Variants in USP53 observed in about 807,000 individuals in gnomAD.
USP53 encodes the protein ubiquitin carboxyl-terminal hydrolase 53.
USP53 carries 71 observed loss-of-function variants against 94.9 expected under a neutral mutation model. The observed-to-expected ratio is 0.75, with a 90% CI of 0.62 to 0.91. USP53 has a LOEUF of 0.91. Ranked by LOEUF, USP53 falls within the 40% of genes least tolerant of loss-of-function variation. The pLI is 0.00. For synonymous variants in USP53, 375 were observed against 422.7 expected (o/e 0.89, Z 1.39); for missense variants, 1,173 against 1,281.0 (o/e 0.92, Z 1.29).
chr4:119,279,956 G>A (rs1317133855), intron 17 of USP53, among the ~76,000 whole-genome samples: 29 of 152,164 alleles, frequency 1.9e-4, no homozygotes, highest in Middle Eastern at 3.2e-3. Flanking sequence ...GCCCTGCTTT[G>A]GCTCGCACAC....
At chr4:119,231,025 G>T (rs949978639) in intron 3 of USP53, among the ~76,000 whole-genome samples, 1 of 152,150 alleles carries the variant, frequency 6.6e-6, no homozygotes, top group African/African-American at 2.4e-5. Context: ...CAAGTGGGTT[G>T]TATTTCACTG....
Position 119,227,560 on chromosome 4 carries a change from G to C in USP53, c.-664-7730G>C, listed in dbSNP as rs529108714. ...CAGGAGAAGTGGCGTAAACCCGGGA[G>C]GCGGAGCTTGCAGTGAGCCGAGATC... is the stretch of plus-strand genomic sequence containing the variant. On this transcript the variant is annotated intron_variant, in intron 3 of 18. Transcript: ENST00000692078. Among the ~76,000 whole-genome samples the C allele has an allele frequency of 3.0e-3, 459 of 152,308 alleles. 2 individuals are homozygous for C. The highest frequency in any genetic ancestry group is 0.01 in the African/African-American group (436 of 41,566).
At chr4:119,286,967 T>G (rs1754180681) in intron 17 of USP53, among the ~76,000 whole-genome samples, 1 of 151,960 alleles carries the variant, frequency 6.6e-6, no homozygotes, top group Admixed American at 6.6e-5. Context: ...TGGGATAAAT[T>G]TTACTGCTTT....
intron 17 of USP53, among the ~76,000 whole-genome samples, chr4:119,282,845 A>T (rs1753656264): frequency 6.6e-6 from 1 of 152,028 alleles, no homozygotes; most frequent in Non-Finnish European, 1.5e-5. Context: ...AAATGAGGGC[A>T]CACTTACATT....
intron 6 of USP53, among the ~76,000 whole-genome samples, chr4:119,248,462 G>A (rs1364340276): frequency 2.7e-5 from 4 of 149,744 alleles, no homozygotes; most frequent in African/African-American, 9.8e-5. Flanking sequence ...TACAGGTTGG[G>A]TATCTCTTGT....
intron 3 of USP53, chr4:119,219,060 T>G (rs976730702): frequency 6.6e-6 from 1 of 152,236 alleles, no homozygotes; most frequent in Non-Finnish European, 1.5e-5. Context: ...GTAGTATTTC[T>G]GTGGTATTTC....
In USP53 at chr4:119,291,252, T is replaced by C; in HGVS notation, c.2339T>C (p.Leu780Ser). 6.3e-7 allele frequency: 1 copy of C among 1,579,676 alleles called. No individual in the cohort carries two copies. Among genetic ancestry groups the C allele is most frequent in the Non-Finnish European group, 8.6e-7 (1 of 1,164,234 alleles). The change falls in exon 18 of 19, where the codon TTG becomes TCG. Residue 780 changes from leucine (L) to serine (S), a missense_variant. Physicochemically the swap from Leu to Ser is moderately radical, Grantham distance 145. Transcript: ENST00000692078. ...TCACATTTACAAATAAAAAATCATTTGATAAAAAGGTAACCATATTTTTTT... is the reference window on the plus strand; with the variant it reads ...TCACATTTACAAATAAAAAATCATTCGATAAAAAGGTAACCATATTTTTTT... ...PESHLQIKNHLIKRSHVHEDN... is the reference protein window; with the variant it reads ...PESHLQIKNHSIKRSHVHEDN...
At chr4:119,243,584 A>G (rs1397091748) in intron 5 of USP53, among the ~76,000 whole-genome samples, 2 of 152,212 alleles carry the variant, frequency 1.3e-5, no homozygotes, top group African/African-American at 4.8e-5. Flanking sequence ...TTGTTAAAGT[A>G]GCCTTTACAG....
chr4:119,253,864 C>A (rs961061218), intron 7 of USP53, among the ~76,000 whole-genome samples: 13 of 152,222 alleles, frequency 8.5e-5, no homozygotes, highest in Middle Eastern at 3.4e-3. Context: ...ACCGGTTGTT[C>A]CTATCCATGT....
chr4:119,267,472 A>G lies in USP53; in HGVS notation c.1125A>G (p.Ala375=), dbSNP rs1363357362. 2 of 1,606,012 alleles carry G rather than the reference A, an allele frequency of 1.2e-6. No individual in the cohort carries two copies. The highest frequency in any genetic ancestry group is 1.3e-5 in the African/African-American group (1 of 74,576). The part of the protein sequence containing the change: ...VISWSHYKSV[A]ENMGCEKPVI... ...GCTGGTCACATTACAAATCTGTTGCAGAAAATATGGGTAATTCTTTCTTTT... is the reference window on the plus strand; with the variant it reads ...GCTGGTCACATTACAAATCTGTTGCGGAAAATATGGGTAATTCTTTCTTTT... Residue 375 remains alanine, a synonymous_variant, in exon 13 of 19, where the codon GCA becomes GCG. Coordinates refer to ENST00000692078, the MANE Select transcript of USP53 (RefSeq NM_001371395.1).
intron 2 of USP53, among the ~76,000 whole-genome samples, chr4:119,215,574 A>G (rs973384165): frequency 3.9e-5 from 6 of 152,126 alleles, no homozygotes; most frequent in Non-Finnish European, 8.8e-5. Context: ...TGTGGTTAGA[A>G]TTGAGTTTTA....
chr4:119,291,420 G>A (rs951257232), intron 18 of USP53, among the ~76,000 whole-genome samples, 159 bp downstream of exon 18: 1 of 151,968 alleles, frequency 6.6e-6, no homozygotes, highest in Admixed American at 6.6e-5. Context: ...AGGATAGAGA[G>A]CTTACAAAGT....
chr4:119,255,484 G>A (rs1578488193), intron 7 of USP53, among the ~76,000 whole-genome samples: 1 of 152,122 alleles, frequency 6.6e-6, no homozygotes, highest in Non-Finnish European at 1.5e-5. Flanking sequence ...CCAACCTCCC[G>A]CATCCCAGGT....
chr4:119,242,138 T>A (rs961651732), intron 5 of USP53, among the ~76,000 whole-genome samples: 15 of 152,228 alleles, frequency 9.9e-5, no homozygotes, highest in Non-Finnish European at 1.8e-4. Flanking sequence ...GTTGTAATAA[T>A]TGTTTTTATG....
Position 119,248,833 on chromosome 4 carries a change from A to G in USP53, c.323A>G (p.Asp108Gly), listed in dbSNP as rs1008724949. Residue 108 changes from aspartate to glycine, a missense_variant, in exon 7 of 19, where the codon GAT becomes GGT. Transcript: ENST00000692078. Reference sequence around the variant, plus strand: ...CATGCTCTTGCAGAAAGTTTCAAAGATGAGCAGCGATTTCAACTTGGCCTT... The same window carrying G: ...CATGCTCTTGCAGAAAGTTTCAAAGGTGAGCAGCGATTTCAACTTGGCCTT... ...IRHALAESFK[D>G]EQRFQLGLMD... 6.2e-7 allele frequency: 1 copy of G among 1,614,160 alleles called. No individual in the cohort carries two copies. Among genetic ancestry groups the G allele is most frequent in the South Asian group, 1.1e-5 (1 of 91,070 alleles).
intron 12 of USP53, among the ~76,000 whole-genome samples, chr4:119,262,852 CAT>C (rs1750675753): frequency 6.6e-6 from 1 of 152,164 alleles, no homozygotes. Flanking sequence ...TTTAAAAAAA[CAT>C]ATATTCCTGG....
chr4:119,216,468 C>T (rs925806645), intron 2 of USP53, among the ~76,000 whole-genome samples: 1 of 151,970 alleles, frequency 6.6e-6, no homozygotes, highest in African/African-American at 2.4e-5. Context: ...GTTGCTGACA[C>T]TTACTTCAGT....
chr4:119,220,188 C>G (rs1448361768), intron 3 of USP53: 3 of 151,926 alleles, frequency 2.0e-5, no homozygotes, highest in African/African-American at 4.8e-5. Flanking sequence ...GTATTGGTTG[C>G]CTATGGGGAA....
chr4:119,234,728 G>A (rs993259656), intron 3 of USP53, among the ~76,000 whole-genome samples: 1 of 152,106 alleles, frequency 6.6e-6, no homozygotes, highest in Non-Finnish European at 1.5e-5. Flanking sequence ...TTTAGAAGAG[G>A]TTATAAACTG....
Sources: allele counts gnomAD v4.1 joint callset (sites outside exome capture counted in the v4.1 genomes callset), GRCh38; gene constraint gnomAD v4.1.1; transcripts MANE v1.5; gene names NCBI Gene and HGNC (gene_info 2026-07-23, HGNC 2026-07-21).